The following GLG1 variants were observed in gnomAD, a reference collection of about 807,000 sequenced individuals.
GLG1 encodes Golgi apparatus protein 1.
A neutral mutation model predicts 160.5 loss-of-function variants in GLG1; 38 were observed. The ratio of observed to expected loss-of-function variants is 0.24; its 90% CI spans 0.18 to 0.31. The LOEUF (loss-of-function observed/expected upper bound fraction) is 0.31. GLG1 is among the 10% of genes least tolerant of loss of function. The pLI is 1.00. For missense variants in GLG1, 1,373 were observed against 1,505.2 expected (o/e 0.91, Z 1.45); for synonymous variants, 644 against 543.4 (o/e 1.19, Z -2.57).
chr16:74,485,325 A>G (rs569432007), intron 9 of GLG1, among the ~76,000 whole-genome samples: 1 of 152,310 alleles, frequency 6.6e-6, no homozygotes, highest in South Asian at 2.1e-4. Context: ...CATTTTGTCC[A>G]TTACTACTCC....
intron 7 of GLG1, among the ~76,000 whole-genome samples, chr16:74,491,869 T>G (rs2016004456): frequency 1.3e-5 from 2 of 151,470 alleles, no homozygotes; most frequent in African/African-American, 2.4e-5. Context: ...CCTCGTGATC[T>G]GCCTACCTCG....
At position 74,459,787 on chromosome 16, in the gene GLG1, G is replaced by A. The variant is rs1567455476; in HGVS notation, c.3039C>T (p.Ile1013=). 5 of 1,564,288 alleles carry A rather than the reference G, an allele frequency of 3.2e-6. No homozygotes were observed. In the Admixed American group the frequency reaches 5.2e-5, roughly 16 times the overall value. Reference sequence around the variant, plus strand: ...CTGCTTCTTCAGCACATAGACTGGAGATCTGTTCAGGAGACACAAAAAACA... The same window carrying A: ...CTGCTTCTTCAGCACATAGACTGGAAATCTGTTCAGGAGACACAAAAAACA... The part of the protein sequence containing the change: ...PQLQLHCSDE[I]SSLCAEEAAA... The change falls in exon 23 of 26, where the codon ATC becomes ATT. Residue 1013 remains isoleucine (I), a splice_region_variant and synonymous_variant. Coordinates refer to ENST00000422840, the MANE Select transcript of GLG1 (RefSeq NM_001145667.2).
At chr16:74,571,643 G>A (rs1482928765) in intron 1 of GLG1, among the ~76,000 whole-genome samples, 1 of 140,532 alleles carries the variant, frequency 7.1e-6, no homozygotes, top group Non-Finnish European at 1.5e-5. Context: ...AACAGAGCAA[G>A]GCTCCATCTC....
At position 74,462,587 on chromosome 16, in the gene GLG1, G is replaced by A; in HGVS notation, c.2835C>T (p.Asp945=). 2 of 1,613,880 alleles carry A rather than the reference G, an allele frequency of 1.2e-6. No individual in the cohort carries two copies. The highest frequency in any genetic ancestry group is 1.7e-6 in the Non-Finnish European group (2 of 1,179,742). Residue 945 remains aspartate, a synonymous_variant, in exon 21 of 26, where the codon GAC becomes GAT. Coordinates refer to ENST00000422840, the MANE Select transcript of GLG1 (RefSeq NM_001145667.2). ...GGATACCGTGACAGAATTTAGGAAT[G>A]TCAGCTTTACAGGCTTTTCTTAACA... ...NPMLRKACKA[D]IPKFCHGILT... is the part of the protein sequence containing the mutation.
chr16:74,527,135 T>G (rs989731439), intron 2 of GLG1, among the ~76,000 whole-genome samples: 18 of 152,088 alleles, frequency 1.2e-4, no homozygotes. Context: ...TATTCCAAAG[T>G]AAAATTATAT....
chr16:74,564,732 T>C (rs924817486), intron 1 of GLG1, among the ~76,000 whole-genome samples: 2 of 152,216 alleles, frequency 1.3e-5, no homozygotes, highest in African/African-American at 2.4e-5. Context: ...TTAAGCTTAT[T>C]CACTAGGCAT....
At chr16:74,575,486 G>A (rs1479778718) in intron 1 of GLG1, among the ~76,000 whole-genome samples, 3 of 152,184 alleles carry the variant, frequency 2.0e-5, no homozygotes, top group Non-Finnish European at 2.9e-5. Flanking sequence ...TTATGACCAG[G>A]TAACCAGAGG....
At chr16:74,584,785 G>A (rs923899790) in intron 1 of GLG1, among the ~76,000 whole-genome samples, 5 of 151,854 alleles carry the variant, frequency 3.3e-5, no homozygotes, top group African/African-American at 1.2e-4. Flanking sequence ...GTGTGGTGGT[G>A]CGCGCCTGTA....
chr16:74,465,864 C>A, intron 18 of GLG1, 51 bp from the exon 19 acceptor site: 2 of 1,530,242 alleles, frequency 1.3e-6, no homozygotes, highest in Non-Finnish European at 1.8e-6. Flanking sequence ...GACTGCTCAT[C>A]CATGTGTTCT....
intron 11 of GLG1, among the ~76,000 whole-genome samples, chr16:74,479,051 CAAAAAAAAAAAAAAAAAA>C (rs34125450): frequency 1.1e-4 from 2 of 17,572 alleles, no homozygotes; most frequent in Non-Finnish European, 1.8e-4. Flanking sequence ...ATTAAAAATC[CAAAAAAAAAAAAAAAAAA>C]AAAAAAAAAG....
chr16:74,465,738 T>C lies in GLG1; in HGVS notation c.2605A>G (p.Thr869Ala), dbSNP rs2014976630. The change falls in exon 19 of 26, where the codon ACA becomes GCA. Residue 869 changes from threonine to alanine, a missense_variant. By Grantham distance (58) the Thr-to-Ala change is moderately conservative. Transcript: ENST00000422840. ...TCTAGCTCTGGGTCCATCATCTCTG[T>C]CTCCTGCAGCTTAAATACTTTTTGG... The part of the protein sequence containing the change: ...CHQKVFKLQE[T>A]EMMDPELDYT... The C allele has an allele frequency of 1.9e-6, 3 of 1,613,634 alleles. No homozygotes were observed. Among genetic ancestry groups the C allele is most frequent in the Non-Finnish European group, 2.5e-6 (3 of 1,179,588 alleles).
chr16:74,507,410 ATATATG>A (rs1301829038), intron 3 of GLG1, among the ~76,000 whole-genome samples: 1 of 152,116 alleles, frequency 6.6e-6, no homozygotes, highest in Admixed American at 6.6e-5. Context: ...GCGGGTATAT[ATATATG>A]TATCTCTCCA....
chr16:74,572,066 T>C (rs966356356), intron 1 of GLG1, among the ~76,000 whole-genome samples: 1 of 151,962 alleles, frequency 6.6e-6, no homozygotes, highest in Non-Finnish European at 1.5e-5. Context: ...AAAAAGCTAA[T>C]TTAGGATGGG....
At chr16:74,495,481 T>C (rs2016152103) in intron 5 of GLG1, among the ~76,000 whole-genome samples, 1 of 152,308 alleles carries the variant, frequency 6.6e-6, no homozygotes, top group East Asian at 1.9e-4. Flanking sequence ...GCTCTGATGG[T>C]TAAAGCTGTT....
At chr16:74,537,254 A>T (rs966148265) in intron 1 of GLG1, among the ~76,000 whole-genome samples, 16 of 152,186 alleles carry the variant, frequency 1.1e-4, no homozygotes, top group African/African-American at 3.6e-4. Flanking sequence ...ATGCTGTATA[A>T]ATGATACAGC....
chr16:74,478,264 C>T (rs2015463642), intron 11 of GLG1, among the ~76,000 whole-genome samples: 1 of 152,022 alleles, frequency 6.6e-6, no homozygotes, highest in African/African-American at 2.4e-5. Flanking sequence ...ACACTTGACT[C>T]AGGAGAAATG....
At chr16:74,473,525 C>T (rs139668464) in intron 13 of GLG1, among the ~76,000 whole-genome samples, 3,619 of 148,796 alleles carry the variant, frequency 0.024, 130 homozygotes, top group African/African-American at 0.079. Context: ...CTGGAAGCTC[C>T]GCCTCCCGGG....
chr16:74,502,598 C>T (rs2016445856), intron 4 of GLG1, among the ~76,000 whole-genome samples: 1 of 151,540 alleles, frequency 6.6e-6, no homozygotes, highest in African/African-American at 2.4e-5. Flanking sequence ...GGCTGGAGTG[C>T]AGTGGCGCGA....
intron 1 of GLG1, among the ~76,000 whole-genome samples, chr16:74,579,584 T>C (rs1174559572): frequency 6.6e-6 from 1 of 151,484 alleles, no homozygotes; most frequent in African/African-American, 2.4e-5. Context: ...TAGCCAGGTG[T>C]AGTGGCACAC....
Sources: gnomAD v4.1 joint callset for allele counts (sites outside exome capture counted in the v4.1 genomes callset) on GRCh38, gnomAD v4.1.1 for gene constraint, MANE v1.5 for transcripts, NCBI Gene and HGNC (gene_info 2026-07-23, HGNC 2026-07-21) for gene names.